The following DUSP14 variants were observed in gnomAD, a reference collection of about 807,000 sequenced individuals.
DUSP14 encodes the protein dual specificity protein phosphatase 14.
In DUSP14, 5 loss-of-function variants were observed where a neutral mutation model predicts 13.2. That is an observed-to-expected ratio of 0.38 (90% CI 0.20 to 0.80). The LOEUF is 0.80. DUSP14 is among the 30% of genes least tolerant of loss of function. The pLI, the probability that DUSP14 is intolerant of heterozygous loss-of-function variation, is 0.44. For synonymous variants in DUSP14, 91 were observed against 103.4 expected (o/e 0.88, Z 0.73); for missense variants, 185 against 264.0 (o/e 0.70, Z 2.07).
In DUSP14 at chr17:37,510,731, G is replaced by A. The variant is rs1051838; in HGVS notation, c.-126G>A. ...TGCTCACTTAGGACTTTCTGGATCC[G>A]GACCCAGGCAGCGCACACTGGACTC... On this transcript the variant is annotated 5_prime_UTR_variant, in exon 2 of 3. Coordinates refer to ENST00000617516, the MANE Select transcript of DUSP14 (RefSeq NM_007026.4). 29,496 of 151,960 alleles carry A rather than the reference G, an allele frequency of 0.19. 3,274 individuals are homozygous for A. Among genetic ancestry groups the A allele is most frequent in the East Asian group, 0.55 (2,813 of 5,132 alleles). The allele number at this position is 151,960 out of a possible 1,614,324, so 9.4% of individuals were successfully genotyped here. A position where few individuals can be genotyped will look rare whatever the true frequency, so the allele number is the denominator to read the frequency against.
chr17:37,511,006 C>A (rs915023960), intron 2 of DUSP14, among the ~76,000 whole-genome samples: 1 of 149,766 alleles, frequency 6.7e-6, no homozygotes, highest in Non-Finnish European at 1.5e-5. Context: ...TAATATATAT[C>A]AATATATATG....
At chr17:37,489,401 C>A (rs2054009489), upstream of DUSP14, among the ~76,000 whole-genome samples, 1 of 152,202 alleles carries the variant, frequency 6.6e-6, no homozygotes, top group Non-Finnish European at 1.5e-5. Flanking sequence ...ATTTTCCCTT[C>A]GCTCTTGGGT....
At chr17:37,498,466 A>G (rs187302274) in intron 1 of DUSP14, among the ~76,000 whole-genome samples, 98 of 151,844 alleles carry the variant, frequency 6.5e-4, no homozygotes, top group African/African-American at 2.1e-3. Flanking sequence ...AGCTGGGACT[A>G]CAGGTGCCCG....
At chr17:37,489,388 C>T (rs931785292), upstream of DUSP14, among the ~76,000 whole-genome samples, 1 of 152,158 alleles carries the variant, frequency 6.6e-6, no homozygotes, top group African/African-American at 2.4e-5. Context: ...TGCCGCGCTA[C>T]TGATTTTCCC....
intron 1 of DUSP14, among the ~76,000 whole-genome samples, chr17:37,494,399 A>G (rs1037806948): frequency 1.3e-5 from 2 of 152,124 alleles, no homozygotes; most frequent in African/African-American, 2.4e-5. Context: ...TTTGTAAGAG[A>G]TGGAGTCTAG....
At chr17:37,499,806 A>G (rs931400233) in intron 1 of DUSP14, among the ~76,000 whole-genome samples, 7 of 152,228 alleles carry the variant, frequency 4.6e-5, no homozygotes, top group South Asian at 2.1e-4. Context: ...CTAGGATTAC[A>G]GGCGTGAGCC....
At position 37,508,248 on chromosome 17, in the gene DUSP14, C is replaced by T. The variant is rs2054150676; in HGVS notation, c.-180-2429C>T. ...GGGGAATGCAGACAGAGCCACAGCACTCACCTCTGCAGCAGTTCTCAGACG... is the reference window on the plus strand; with the variant it reads ...GGGGAATGCAGACAGAGCCACAGCATTCACCTCTGCAGCAGTTCTCAGACG... On this transcript the variant is annotated intron_variant, in intron 1 of 2. Coordinates refer to ENST00000617516, the MANE Select transcript of DUSP14 (RefSeq NM_007026.4). Among the ~76,000 whole-genome samples the T allele has an allele frequency of 1.3e-5, 2 of 152,176 alleles. 1 individual carries two copies. Among genetic ancestry groups the T allele is most frequent in the Admixed American group, 1.3e-4 (2 of 15,282 alleles).
intron 1 of DUSP14, among the ~76,000 whole-genome samples, chr17:37,493,606 A>G (rs2054043620): frequency 6.6e-6 from 1 of 151,804 alleles, no homozygotes; most frequent in Admixed American, 6.6e-5. Context: ...CTAACCACCC[A>G]AATACCAGAA....
rs867404229 is a variant in DUSP14, at chr17:37,511,931, C to A, written c.-92-250C>A. On this transcript the variant is annotated intron_variant, in intron 2 of 2. Transcript: ENST00000617516. Reference sequence around the variant, plus strand: ...CCACCATGCCCAGCCACCCCCCCCCCACCCCACTTTTTTTTTTTTTTTTTT... The same window carrying A: ...CCACCATGCCCAGCCACCCCCCCCCAACCCCACTTTTTTTTTTTTTTTTTT... Among the ~76,000 whole-genome samples the A allele has an allele frequency of 6.6e-4, 26 of 39,438 alleles. 1 individual carries two copies. The highest frequency in any genetic ancestry group is 1.2e-3 in the Admixed American group (3 of 2,608). The allele number at this position is 39,438 out of a possible 152,430, so 25.9% of individuals were successfully genotyped here. A position where few individuals can be genotyped will look rare whatever the true frequency, so the allele number is the denominator to read the frequency against.
chr17:37,504,605 A>G (rs2054125794), intron 1 of DUSP14, among the ~76,000 whole-genome samples: 1 of 152,138 alleles, frequency 6.6e-6, no homozygotes, highest in Admixed American at 6.6e-5. Flanking sequence ...TTTAATATGT[A>G]TATATGAGAC....
At chr17:37,489,660 A>T (rs1367735277), upstream of DUSP14, among the ~76,000 whole-genome samples, 2 of 151,814 alleles carry the variant, frequency 1.3e-5, no homozygotes, top group African/African-American at 4.8e-5. Context: ...ACCTGCACGG[A>T]GGAGCGCTCT....
upstream of DUSP14, among the ~76,000 whole-genome samples, chr17:37,488,956 G>A (rs1472918407): frequency 1.3e-5 from 2 of 152,188 alleles, no homozygotes; most frequent in Non-Finnish European, 2.9e-5. Context: ...GCAGGGGCTG[G>A]TGAGTCAAGG....
intron 1 of DUSP14, among the ~76,000 whole-genome samples, chr17:37,491,063 AG>A (rs1339260439): frequency 6.6e-6 from 1 of 152,184 alleles, no homozygotes; most frequent in Non-Finnish European, 1.5e-5. Context: ...TCTGCCACAA[AG>A]TTAAGTAACA....
At chr17:37,510,272 G>A (rs1389487361) in intron 1 of DUSP14, 2 of 152,374 alleles carry the variant, frequency 1.3e-5, no homozygotes, top group South Asian at 2.1e-4. Context: ...TCCTCCCACC[G>A]CGGTGCCGCC....
intron 1 of DUSP14, among the ~76,000 whole-genome samples, chr17:37,505,199 C>A (rs1396124821): frequency 1.3e-5 from 2 of 152,190 alleles, no homozygotes; most frequent in Non-Finnish European, 2.9e-5. Context: ...ACCTTGGCCT[C>A]CCAAAGTGCT....
intron 1 of DUSP14, among the ~76,000 whole-genome samples, chr17:37,498,518 G>A (rs2054082207): frequency 6.6e-6 from 1 of 151,602 alleles, no homozygotes; most frequent in Non-Finnish European, 1.5e-5. Flanking sequence ...AGTAGAGACG[G>A]GGTTTCACCG....
intron 1 of DUSP14, among the ~76,000 whole-genome samples, chr17:37,509,189 GTA>G (rs1436803776): frequency 1.1e-5 from 1 of 89,340 alleles, no homozygotes; most frequent in Non-Finnish European, 2.2e-5. Flanking sequence ...TATGTACTAT[GTA>G]TATGTGTACT....
chr17:37,503,315 C>T (rs780603291), intron 1 of DUSP14, among the ~76,000 whole-genome samples: 5 of 152,090 alleles, frequency 3.3e-5, no homozygotes, highest in Non-Finnish European at 5.9e-5. Flanking sequence ...GTTCCAGCAA[C>T]GTGAGGAGGC....
chr17:37,499,756 C>T (rs2054093435), intron 1 of DUSP14, among the ~76,000 whole-genome samples: 2 of 152,168 alleles, frequency 1.3e-5, no homozygotes, highest in South Asian at 4.1e-4. Flanking sequence ...TCTCAAACTC[C>T]TGACCTCAGG....
Sources: gnomAD v4.1 joint callset for allele counts (sites outside exome capture counted in the v4.1 genomes callset) on GRCh38, gnomAD v4.1.1 for gene constraint, MANE v1.5 for transcripts, NCBI Gene and HGNC (gene_info 2026-07-23, HGNC 2026-07-21) for gene names.